CAPN8: variants seen among roughly 807,000 people sequenced by gnomAD.
CAPN8 encodes calpain 8.
In CAPN8, 87 loss-of-function variants were observed where a neutral mutation model predicts 80.9. The observed-to-expected ratio is 1.07, with a 90% CI of 0.90 to 1.28. The LOEUF (loss-of-function observed/expected upper bound fraction) is 1.28. Ranked by LOEUF, CAPN8 falls within the 50% of genes most tolerant of loss-of-function variation. The pLI is 0.00. For synonymous variants in CAPN8, 299 were observed against 273.8 expected (o/e 1.09, Z -0.91); for missense variants, 757 against 702.0 (o/e 1.08, Z -0.89).
At position 223,545,242 on chromosome 1, in the gene CAPN8, G is replaced by A. The variant is rs888374885; in HGVS notation, c.1822C>T (p.Gln608Ter). The A allele has an allele frequency of 6.4e-6, 10 of 1,551,576 alleles. No individual in the cohort carries two copies. In the African/African-American group the frequency reaches 8.2e-5, roughly 13 times the overall value. The change falls in exon 17 of 21, where the codon CAG becomes TAG. Residue 608 changes from glutamine to a stop codon, truncating the protein, a stop_gained. Coordinates refer to ENST00000366872, the MANE Select transcript of CAPN8 (RefSeq NM_001143962.2). LOFTEE classifies it high-confidence loss of function. ...GAAAAGAGAGTTACCAGATACTTCTGAATCTTCAGCCAGAGCGTCTTGAAT... is the reference window on the plus strand; with the variant it reads ...GAAAAGAGAGTTACCAGATACTTCTAAATCTTCAGCCAGAGCGTCTTGAAT... Reference protein sequence around the residue: ...VEFKTLWLKIQKYLEIYWETD... With the variant: ...VEFKTLWLKI
chr1:223,635,708 C>CGTCT (rs1657897743), intron 2 of CAPN8, among the ~76,000 whole-genome samples: 1 of 23,456 alleles, frequency 4.3e-5, no homozygotes, highest in African/African-American at 2.0e-4. Flanking sequence ...CTTGAGTAGT[C>CGTCT]AATCACTAGT....
intron 7 of CAPN8, chr1:223,622,520 C>A (rs540059045): frequency 4.6e-6 from 2 of 434,498 alleles, no homozygotes; most frequent in Admixed American, 4.0e-5. Flanking sequence ...TGGACCAGCA[C>A]GGTGCGTCAG....
intron 14 of CAPN8, among the ~76,000 whole-genome samples, chr1:223,553,137 A>G (rs1445237178): frequency 6.6e-6 from 1 of 151,948 alleles, no homozygotes; most frequent in Non-Finnish European, 1.5e-5. Context: ...CACACACTTT[A>G]TTATCCTCCA....
At chr1:223,548,726 C>T (rs920430615) in intron 16 of CAPN8, among the ~76,000 whole-genome samples, 1 of 152,146 alleles carries the variant, frequency 6.6e-6, no homozygotes, top group African/African-American at 2.4e-5. Flanking sequence ...TATAAGCCAC[C>T]CAGTTTATGG....
chr1:223,619,665 C>A (rs952161693), intron 8 of CAPN8, among the ~76,000 whole-genome samples: 3 of 152,232 alleles, frequency 2.0e-5, no homozygotes, highest in Admixed American at 6.5e-5. Context: ...GGGAGCCCCA[C>A]ACACATATCT....
At chr1:223,664,450 C>T (rs1282754209) in intron 1 of CAPN8, among the ~76,000 whole-genome samples, 1 of 152,186 alleles carries the variant, frequency 6.6e-6, no homozygotes, top group African/African-American at 2.4e-5. Flanking sequence ...GGGCACTATG[C>T]TCTGAGATTT....
At chr1:223,627,211 G>A (rs141278806) in intron 4 of CAPN8, 54 bp from the exon 5 acceptor site, 83 of 1,529,420 alleles carry the variant, frequency 5.4e-5, no homozygotes, top group East Asian at 3.2e-4. Flanking sequence ...AAGGAGACCC[G>A]GGGATTGGGG....
intron 6 of CAPN8, 97 bp downstream of exon 6, chr1:223,625,708 C>T: frequency 1.8e-6 from 2 of 1,118,456 alleles, no homozygotes; most frequent in East Asian, 2.6e-5. Context: ...AATTCCGAAC[C>T]TTCTAGTAGT....
intron 8 of CAPN8, among the ~76,000 whole-genome samples, chr1:223,619,800 G>A (rs1403551321): frequency 3.3e-5 from 5 of 152,168 alleles, no homozygotes; most frequent in Admixed American, 1.3e-4. Flanking sequence ...TGTTTAATTC[G>A]GAGTGATGTC....
intron 1 of CAPN8, among the ~76,000 whole-genome samples, chr1:223,660,792 C>T (rs1658623109): frequency 6.6e-6 from 1 of 152,162 alleles, no homozygotes; most frequent in African/African-American, 2.4e-5. Context: ...AGGCAGTGGA[C>T]TTAAAGCCCC....
chr1:223,627,904 G>T, intron 4 of CAPN8, 105 bp downstream of exon 4: 1 of 1,328,204 alleles, frequency 7.5e-7, no homozygotes. Flanking sequence ...TGGGAAAGAC[G>T]CCATGACGCC....
chr1:223,620,277 A>C lies in CAPN8; in HGVS notation c.900-11T>G. On this transcript the variant is annotated splice_polypyrimidine_tract_variant and intron_variant, in intron 7 of 20. Transcript: ENST00000366872. ...TTCCACTCTGGTGCACTGAGGGGAAAACAAGCAGAGATGCTCGCTCCTGAG... is the reference window on the plus strand; with the variant it reads ...TTCCACTCTGGTGCACTGAGGGGAACACAAGCAGAGATGCTCGCTCCTGAG... The C allele has an allele frequency of 6.4e-7, 1 of 1,550,992 alleles. No individual in the cohort carries two copies. The highest frequency in any genetic ancestry group is 8.7e-7 in the Non-Finnish European group (1 of 1,146,406).
At chr1:223,615,076 G>T (rs887693900) in intron 10 of CAPN8, among the ~76,000 whole-genome samples, 1 of 152,188 alleles carries the variant, frequency 6.6e-6, no homozygotes, top group Admixed American at 6.5e-5. Context: ...AAAGTGTGGG[G>T]TGCAGATAGG....
At chr1:223,543,662 AC>A (rs1048874932) in intron 19 of CAPN8, among the ~76,000 whole-genome samples, 2 of 152,130 alleles carry the variant, frequency 1.3e-5, no homozygotes, top group East Asian at 1.9e-4. Flanking sequence ...TTCAGAGGGC[AC>A]CCCCCATCCC....
intron 2 of CAPN8, among the ~76,000 whole-genome samples, chr1:223,632,939 T>C (rs35557925): frequency 0.19 from 28,730 of 152,164 alleles, 2,820 homozygotes; most frequent in Middle Eastern, 0.22. Flanking sequence ...CCTTCCTCCT[T>C]CTTCCCATCT....
intron 2 of CAPN8, among the ~76,000 whole-genome samples, chr1:223,634,887 A>T (rs1657872903): frequency 6.6e-6 from 1 of 152,202 alleles, no homozygotes; most frequent in African/African-American, 2.4e-5. Context: ...GTATAGCACC[A>T]CTCAAATAGA....
rs746283321 is a variant in CAPN8 at position 223,620,311 on chromosome 1, C to T, written c.900-45G>A. On this transcript the variant is annotated intron_variant, in intron 7 of 20. Coordinates refer to ENST00000366872, the MANE Select transcript of CAPN8 (RefSeq NM_001143962.2). ...AGATGCTCGCTCCTGAGAGGTTCTA[C>T]AAGCAGGGCAAGCTGTTTACTGCAG... 2.1e-5 allele frequency: 31 copies of T among 1,500,130 alleles called. 2 individuals are homozygous for T. In the South Asian group the frequency reaches 3.7e-4, roughly 18 times the overall value. 92.9% of individuals were successfully genotyped at this position (1,500,130 alleles called of 1,614,324 possible). A position where few individuals can be genotyped will look rare whatever the true frequency, so the allele number is the denominator to read the frequency against.
intron 12 of CAPN8, 36 bp from the exon 13 acceptor site, chr1:223,558,203 T>C (rs1413314042): frequency 2.5e-6 from 1 of 398,228 alleles, no homozygotes; most frequent in Non-Finnish European, 4.4e-6. Flanking sequence ...CAAACATGAG[T>C]AAGTAAAAAG....
chr1:223,654,217 C>A, intron 2 of CAPN8, 113 bp downstream of exon 2: 1 of 889,010 alleles, frequency 1.1e-6, no homozygotes, highest in South Asian at 1.6e-5. Context: ...CAGACGGACA[C>A]ATCAGGTACC....
Sources: gnomAD v4.1 joint callset for allele counts (sites outside exome capture counted in the v4.1 genomes callset) on GRCh38, gnomAD v4.1.1 for gene constraint, MANE v1.5 for transcripts, NCBI Gene and HGNC (gene_info 2026-07-23, HGNC 2026-07-21) for gene names.